SPINK8: variants seen among roughly 807,000 people sequenced by gnomAD.
The protein encoded by SPINK8 is serine protease inhibitor Kazal-type 8.
Under a neutral mutation model 14.4 loss-of-function variants are expected in SPINK8, and 12 were observed. That is an observed-to-expected ratio of 0.83 (90% CI 0.53 to 1.35). The LOEUF (loss-of-function observed/expected upper bound fraction) is 1.35. Ranked by LOEUF, SPINK8 falls within the 40% of genes most tolerant of loss-of-function variation. The probability of loss-of-function intolerance (pLI) is 0.00; values close to 1 mark genes in which losing one functional copy is unlikely to be tolerated. For missense variants in SPINK8, 103 were observed against 117.0 expected (o/e 0.88, Z 0.55); for synonymous variants, 32 against 37.6 (o/e 0.85, Z 0.55).
chr3:48,319,891 C>G (rs565015085), intron 5 of SPINK8, among the ~76,000 whole-genome samples: 17 of 152,232 alleles, frequency 1.1e-4, no homozygotes, highest in African/African-American at 4.1e-4. Flanking sequence ...TGCCTGTAAT[C>G]CCAGCACTTT....
chr3:48,313,661 C>A (rs2035951783), intron 6 of SPINK8, among the ~76,000 whole-genome samples: 1 of 152,112 alleles, frequency 6.6e-6, no homozygotes, highest in Admixed American at 6.6e-5. Flanking sequence ...AATACTTGTA[C>A]ACAAATGTCT....
chr3:48,307,152 C>T, intron 7 of SPINK8, 149 bp from the exon 8 acceptor site: 1 of 793,614 alleles, frequency 1.3e-6, no homozygotes. Context: ...TCTAATTTCA[C>T]TGGAGAAGGA....
rs566226957 is a variant in SPINK8 at position 48,306,858 on chromosome 3, A to G, written c.*134T>C. The stretch of plus-strand genomic sequence containing the variant: ...CCAGCCAGGTTTTCTGCTAAGAATC[A>G]TTTATTGAAGACATAAATCAACGAG... On this transcript the variant is annotated 3_prime_UTR_variant, in exon 8 of 8. Transcript: ENST00000434006. The G allele has an allele frequency of 1.3e-3, 1,098 of 842,412 alleles. No individual in the cohort carries two copies. The highest frequency in any genetic ancestry group is 1.9e-3 in the Non-Finnish European group (1,042 of 539,032). The allele number at this position is 842,412 out of a possible 1,614,324, so 52.2% of individuals were successfully genotyped here.
At chr3:48,331,954 G>A (rs2036269904) in intron 2 of SPINK8, among the ~76,000 whole-genome samples, 1 of 152,248 alleles carries the variant, frequency 6.6e-6, no homozygotes, top group African/African-American at 2.4e-5. Flanking sequence ...GGCACCCTCA[G>A]TCCTGCTGCT....
chr3:48,312,238 A>G (rs1188055350), intron 6 of SPINK8, among the ~76,000 whole-genome samples: 1 of 152,212 alleles, frequency 6.6e-6, no homozygotes, highest in Non-Finnish European at 1.5e-5. Flanking sequence ...AAACTCATAT[A>G]TCTATGGCCA....
At chr3:48,308,149 G>A (rs893615075) in intron 7 of SPINK8, among the ~76,000 whole-genome samples, 1 of 150,838 alleles carries the variant, frequency 6.6e-6, no homozygotes, top group Non-Finnish European at 1.5e-5. Context: ...AATTTTTTTT[G>A]TATTTTTAGT....
chr3:48,320,521 C>A (rs2036057826), intron 5 of SPINK8, among the ~76,000 whole-genome samples: 1 of 151,638 alleles, frequency 6.6e-6, no homozygotes. Context: ...GCACTCCAGC[C>A]TGGGCAACAG....
At chr3:48,311,163 A>T (rs1025970765) in intron 6 of SPINK8, among the ~76,000 whole-genome samples, 1 of 152,220 alleles carries the variant, frequency 6.6e-6, no homozygotes, top group Admixed American at 6.5e-5. Flanking sequence ...GATTCAAAAC[A>T]TACACACATA....
At position 48,309,953 on chromosome 3, in the gene SPINK8, GA is replaced by G; in HGVS notation, c.240-8del. The stretch of plus-strand genomic sequence containing the variant: ...TATGTTAAGCCCTTCAAATCTGAAA[GA>G]AATTATATTTTAAAATTATTTTTGC... On this transcript the variant is annotated splice_polypyrimidine_tract_variant and splice_region_variant and intron_variant, in intron 6 of 7. Coordinates refer to ENST00000434006, the MANE Select transcript of SPINK8 (RefSeq NM_001080525.3). 7.1e-7 allele frequency: 1 copy of G among 1,413,366 alleles called. No homozygotes were observed. The highest frequency in any genetic ancestry group is 9.2e-7 in the Non-Finnish European group (1 of 1,083,234). The allele number at this position is 1,413,366 out of a possible 1,614,324, so 87.6% of individuals were successfully genotyped here. A position where few individuals can be genotyped will look rare whatever the true frequency, so the allele number is the denominator to read the frequency against.
At position 48,307,001 on chromosome 3, in the gene SPINK8, T is replaced by C. The variant is rs1447673701; in HGVS notation, c.285A>G (p.Glu95=). Residue 95 remains glutamate (E), a splice_region_variant and synonymous_variant, in exon 8 of 8, where the codon GAA becomes GAG. Coordinates refer to ENST00000434006, the MANE Select transcript of SPINK8 (RefSeq NM_001080525.3). The part of the protein sequence containing the change: ...NITKLYDGQC[E]NS ...ATTCTTTGTCGTACGTTCAAGAGTT[T>C]TCCTGCAAGAGAAGTATCTGCTTAG... 1.2e-6 allele frequency: 2 copies of C among 1,613,260 alleles called. No homozygotes were observed. Among genetic ancestry groups the C allele is most frequent in the Admixed American group, 3.3e-5 (2 of 59,916 alleles).
intron 4 of SPINK8, among the ~76,000 whole-genome samples, chr3:48,326,582 G>T: frequency 6.6e-6 from 1 of 151,596 alleles, no homozygotes; most frequent in South Asian, 2.1e-4. Flanking sequence ...ACTCCATCCT[G>T]GGTGGCTGAG....
At chr3:48,316,594 C>A (rs1454837624) in intron 6 of SPINK8, 2 of 153,018 alleles carry the variant, frequency 1.3e-5, no homozygotes, top group African/African-American at 4.8e-5. Context: ...ATGGTGAAAA[C>A]CTGTCTCTAC....
chr3:48,325,868 G>C (rs2036133428), intron 4 of SPINK8, among the ~76,000 whole-genome samples: 1 of 151,800 alleles, frequency 6.6e-6, no homozygotes, highest in Non-Finnish European at 1.5e-5. Context: ...AAAGTGCTGG[G>C]ATTACAGGCA....
intron 4 of SPINK8, among the ~76,000 whole-genome samples, chr3:48,321,660 A>G (rs967633849): frequency 8.6e-5 from 13 of 151,840 alleles, no homozygotes; most frequent in Non-Finnish European, 1.8e-4. Context: ...CTAAAAATAC[A>G]AAAATTAGCC....
intron 4 of SPINK8, among the ~76,000 whole-genome samples, 185 bp from the exon 5 acceptor site, chr3:48,321,259 C>A (rs1348081589): frequency 6.6e-6 from 1 of 152,146 alleles, no homozygotes; most frequent in African/African-American, 2.4e-5. Context: ...CGTGCCTTTA[C>A]CTTCTTGTAA....
At chr3:48,310,015 T>A in intron 6 of SPINK8, 69 bp from the exon 7 acceptor site, 1 of 1,290,898 alleles carries the variant, frequency 7.7e-7, no homozygotes, top group Non-Finnish European at 1.0e-6. Context: ...TAAATTTTAC[T>A]TGATAATCTT....
chr3:48,326,090 A>C (rs1382875671), intron 4 of SPINK8, among the ~76,000 whole-genome samples: 3 of 151,976 alleles, frequency 2.0e-5, no homozygotes, highest in Non-Finnish European at 4.4e-5. Flanking sequence ...TAGCCTCAGC[A>C]ACACAAAGGT....
At chr3:48,332,265 T>C (rs2036275995) in intron 2 of SPINK8, among the ~76,000 whole-genome samples, 101 bp downstream of exon 2, 1 of 152,208 alleles carries the variant, frequency 6.6e-6, no homozygotes, top group South Asian at 2.1e-4. Context: ...CTGATCTCTA[T>C]TATAAAAACT....
At chr3:48,330,739 C>T (rs1003447246) in intron 2 of SPINK8, among the ~76,000 whole-genome samples, 3 of 151,690 alleles carry the variant, frequency 2.0e-5, no homozygotes, top group Non-Finnish European at 2.9e-5. Flanking sequence ...CCTGATTGGT[C>T]GGGCTTGAGC....
Sources: allele counts gnomAD v4.1 joint callset (sites outside exome capture counted in the v4.1 genomes callset), GRCh38; gene constraint gnomAD v4.1.1; transcripts MANE v1.5; gene names NCBI Gene and HGNC (gene_info 2026-07-23, HGNC 2026-07-21).